The following WSB1 variants were observed in gnomAD, a reference collection of about 807,000 sequenced individuals.
WSB1 encodes WD repeat and SOCS box-containing protein 1.
A neutral mutation model predicts 50.2 loss-of-function variants in WSB1; 23 were observed. The ratio of observed to expected loss-of-function variants is 0.46; its 90% CI spans 0.33 to 0.65. The LOEUF (loss-of-function observed/expected upper bound fraction) is 0.65. Ranked by LOEUF, WSB1 falls within the 30% of genes least tolerant of loss-of-function variation. WSB1 has a pLI of 0.02. For synonymous variants in WSB1, 179 were observed against 172.0 expected (o/e 1.04, Z -0.32); for missense variants, 492 against 522.3 (o/e 0.94, Z 0.56).
In WSB1 at chr17:27,295,816, C is replaced by T. The variant is rs1277345097; in HGVS notation, c.40+1381C>T. On this transcript the variant is annotated intron_variant, in intron 1 of 8. Coordinates refer to ENST00000262394, the MANE Select transcript of WSB1 (RefSeq NM_015626.10). ...TCATCCTGATAAACCATTTTGAAAA[C>T]TTTGCGGTCCTGTTTTCTCTCTCTC... is the stretch of plus-strand genomic sequence containing the variant. Among the ~76,000 whole-genome samples the T allele has an allele frequency of 4.7e-5, 7 of 150,250 alleles. No homozygotes were observed. In the South Asian group the frequency reaches 8.4e-4, roughly 18 times the overall value.
chr17:27,305,238 G>A (rs2017399102), intron 4 of WSB1, among the ~76,000 whole-genome samples: 1 of 152,176 alleles, frequency 6.6e-6, no homozygotes, highest in African/African-American at 2.4e-5. Flanking sequence ...CTCTTAGGGA[G>A]GGTTATTAAC....
intron 2 of WSB1, 67 bp from the exon 3 acceptor site, chr17:27,303,300 T>G (rs1349496364): frequency 1.3e-6 from 2 of 1,507,104 alleles, no homozygotes; most frequent in Non-Finnish European, 1.8e-6. Flanking sequence ...CACTTGTAAT[T>G]ATTCAATGTC....
At chr17:27,308,602 A>G (rs2017551345) in intron 5 of WSB1, 1 of 985,766 alleles carries the variant, frequency 1.0e-6, no homozygotes, top group African/African-American at 1.7e-5. Context: ...TTCTCTTCCT[A>G]GGCTCAAGTT....
rs531015217 is a variant in WSB1 at position 27,303,020 on chromosome 17, GT to G, written c.210-340del. On this transcript the variant is annotated intron_variant, in intron 2 of 8. Coordinates refer to ENST00000262394, the MANE Select transcript of WSB1 (RefSeq NM_015626.10). ...GCTTGACCATATCTTAAGTTACTGG[GT>G]TTTTTTGTTTGTTTGTTTGTTTTTT... is the stretch of plus-strand genomic sequence containing the variant. The G allele has an allele frequency of 4.2e-5, 8 of 191,730 alleles. No homozygotes were observed. The South Asian group carries it at 6.9e-4, about 17-fold the overall frequency. 11.9% of individuals were successfully genotyped at this position (191,730 alleles called of 1,614,324 possible).
chr17:27,305,331 C>T (rs1230270204), intron 4 of WSB1, among the ~76,000 whole-genome samples: 1 of 152,212 alleles, frequency 6.6e-6, no homozygotes. Flanking sequence ...ACATGACCTA[C>T]ATACCAGAAC....
Position 27,294,165 on chromosome 17 carries a change from G to C in WSB1, c.-231G>C. 2.7e-6 allele frequency: 1 copy of C among 376,694 alleles called. No homozygotes were observed. Among genetic ancestry groups the C allele is most frequent in the South Asian group, 7.8e-5 (1 of 12,774 alleles). 23.3% of individuals were successfully genotyped at this position (376,694 alleles called of 1,614,324 possible). The stretch of plus-strand genomic sequence containing the variant: ...AGGGGAACTGTCTTCCTCCGCAGGC[G>C]CGAGGCTGGGTACAGGGTCTATTGT... On this transcript the variant is annotated 5_prime_UTR_variant, in exon 1 of 9. Transcript: ENST00000262394.
intron 1 of WSB1, among the ~76,000 whole-genome samples, 172 bp from the exon 2 acceptor site, chr17:27,301,616 G>A (rs779968966): frequency 3.9e-5 from 6 of 152,090 alleles, no homozygotes; most frequent in Admixed American, 6.5e-5. Flanking sequence ...AGTCATTATC[G>A]TTAAGGGGTC....
intron 6 of WSB1, among the ~76,000 whole-genome samples, chr17:27,309,653 G>A (rs2017591508): frequency 6.6e-6 from 1 of 151,572 alleles, no homozygotes; most frequent in African/African-American, 2.4e-5. Flanking sequence ...CGCAATCTCA[G>A]CTCACTGCAA....
chr17:27,306,971 CTG>C (rs1255904813), intron 5 of WSB1, 89 bp downstream of exon 5: 4 of 1,257,826 alleles, frequency 3.2e-6, no homozygotes, highest in African/African-American at 1.5e-5. Flanking sequence ...CCTATGAAGT[CTG>C]TGCTCGGTGT....
At position 27,312,252 on chromosome 17, in the gene WSB1, G is replaced by A; in HGVS notation, c.1149G>A (p.Gln383=). ...GSVYFWATPR[Q]VPSLQHLCRM... is the part of the protein sequence containing the mutation. Reference sequence around the variant, plus strand: ...TGTATTTTTGGGCCACTCCACGGCAGGTCCCTAGCCTGCAACATTTATGTC... The same window carrying A: ...TGTATTTTTGGGCCACTCCACGGCAAGTCCCTAGCCTGCAACATTTATGTC... Residue 383 remains glutamine (Q), a synonymous_variant, in exon 9 of 9, where the codon CAG becomes CAA. Coordinates refer to ENST00000262394, the MANE Select transcript of WSB1 (RefSeq NM_015626.10). The A allele has an allele frequency of 6.2e-7, 1 of 1,614,026 alleles. No individual in the cohort carries two copies. Among genetic ancestry groups the A allele is most frequent in the Non-Finnish European group, 8.5e-7 (1 of 1,180,016 alleles).
chr17:27,311,859 C>G (rs1019841059), intron 8 of WSB1, among the ~76,000 whole-genome samples: 1 of 151,988 alleles, frequency 6.6e-6, no homozygotes, highest in African/African-American at 2.4e-5. Flanking sequence ...CCTGGCTGGT[C>G]TCAAACTCCT....
In WSB1 at chr17:27,315,667, C is replaced by G. The variant is rs1248436755; in HGVS notation, c.*3298C>G. The G allele has an allele frequency of 1.3e-5, 2 of 152,086 alleles. No individual in the cohort carries two copies. The highest frequency in any genetic ancestry group is 2.9e-5 in the Non-Finnish European group (2 of 68,028). 9.4% of individuals were successfully genotyped at this position (152,086 alleles called of 1,614,324 possible). ...CAGTGATTACAACCTCCATATTAAT[C>G]AGATGAGGGTTTGTAGGTGACATAG... On this transcript the variant is annotated 3_prime_UTR_variant, in exon 9 of 9. Coordinates refer to ENST00000262394, the MANE Select transcript of WSB1 (RefSeq NM_015626.10).
chr17:27,303,858 T>C, intron 3 of WSB1: 1 of 500,836 alleles, frequency 2.0e-6, no homozygotes, highest in Non-Finnish European at 3.4e-6. Flanking sequence ...TAGAGAGTAT[T>C]ACAGTAGGAA....
Position 27,313,640 on chromosome 17 carries a change from T to C in WSB1, c.*1271T>C, listed in dbSNP as rs2017776092. The C allele has an allele frequency of 6.6e-6, 1 of 152,278 alleles. No individual in the cohort carries two copies. The highest frequency in any genetic ancestry group is 2.4e-5 in the African/African-American group (1 of 41,380). 9.4% of individuals were successfully genotyped at this position (152,278 alleles called of 1,614,324 possible). ...CTTGTAAAAAAAAAAAACAGTATATTGCAAATGTTTCTTAAATAGGTTAGG... is the reference window on the plus strand; with the variant it reads ...CTTGTAAAAAAAAAAAACAGTATATCGCAAATGTTTCTTAAATAGGTTAGG... On this transcript the variant is annotated 3_prime_UTR_variant, in exon 9 of 9. Coordinates refer to ENST00000262394, the MANE Select transcript of WSB1 (RefSeq NM_015626.10).
Position 27,310,131 on chromosome 17 carries a change from T to A in WSB1, c.955T>A (p.Phe319Ile). ...TGACCGGTGGGTACGATCTGTATCT[T>A]TTAGCCATGATGGACTGCATGTTGC... ...ANDRWVRSVS[F>I]SHDGLHVASL... The change falls in exon 7 of 9, where the codon TTT becomes ATT. Residue 319 changes from phenylalanine (F) to isoleucine (I), a missense_variant. Phe to Ile is a conservative substitution (Grantham distance 21). Transcript: ENST00000262394. The A allele has an allele frequency of 6.2e-7, 1 of 1,614,124 alleles. No individual in the cohort carries two copies.
intron 3 of WSB1, among the ~76,000 whole-genome samples, chr17:27,304,572 C>T (rs149923500): frequency 3.4e-4 from 43 of 126,376 alleles, no homozygotes; most frequent in African/African-American, 1.4e-3. Context: ...AAAGGCCAGC[C>T]GTGGTGACTT....
intron 1 of WSB1, among the ~76,000 whole-genome samples, chr17:27,296,117 G>A (rs1215849937): frequency 6.6e-6 from 1 of 152,154 alleles, no homozygotes; most frequent in Admixed American, 6.5e-5. Context: ...ACGGGCGTGA[G>A]CCACCCCGCC....
chr17:27,305,728 T>C (rs1411360963), intron 4 of WSB1, among the ~76,000 whole-genome samples: 1 of 152,234 alleles, frequency 6.6e-6, no homozygotes, highest in African/African-American at 2.4e-5. Context: ...AGTTCTATGC[T>C]AACATTAACA....
At chr17:27,312,089 G>C in intron 8 of WSB1, 121 bp from the exon 9 acceptor site, 1 of 1,299,812 alleles carries the variant, frequency 7.7e-7, no homozygotes, top group Non-Finnish European at 1.0e-6. Context: ...TTCCTGGTTG[G>C]GTTTTAATGT....
Sources: gnomAD v4.1 joint callset for allele counts (sites outside exome capture counted in the v4.1 genomes callset) on GRCh38, gnomAD v4.1.1 for gene constraint, MANE v1.5 for transcripts, NCBI Gene and HGNC (gene_info 2026-07-23, HGNC 2026-07-21) for gene names.